Variants in PDE4D observed in about 807,000 individuals in gnomAD.
PDE4D encodes phosphodiesterase 4D.
A neutral mutation model predicts 87.4 loss-of-function variants in PDE4D; 24 were observed. The ratio of observed to expected loss-of-function variants is 0.27; its 90% CI spans 0.20 to 0.39. The LOEUF is 0.39. PDE4D is among the 10% of genes least tolerant of loss of function. The pLI, the probability that PDE4D is intolerant of heterozygous loss-of-function variation, is 1.00. For missense variants in PDE4D, 714 were observed against 1,041.0 expected (o/e 0.69, Z 4.32); for synonymous variants, 384 against 383.2 (o/e 1.00, Z -0.02).
chr5:59,815,679 A>G (rs528658465), intron 1 of PDE4D, among the ~76,000 whole-genome samples: 2 of 152,354 alleles, frequency 1.3e-5, no homozygotes, highest in East Asian at 3.9e-4. Context: ...GGAGAATGCT[A>G]CAGACCTGGC....
intron 1 of PDE4D, among the ~76,000 whole-genome samples, chr5:59,317,556 T>C (rs1225456083): frequency 6.6e-6 from 1 of 152,250 alleles, no homozygotes; most frequent in East Asian, 1.9e-4. Context: ...CCACAACCCC[T>C]GCAGGCATAC....
At chr5:59,909,007 G>A (rs1753151675) in intron 3 of PDE4D, among the ~76,000 whole-genome samples, 1 of 152,090 alleles carries the variant, frequency 6.6e-6, no homozygotes, top group African/African-American at 2.4e-5. Context: ...GCTTTTTAAA[G>A]TAAGTTAAGT....
intron 1 of PDE4D, among the ~76,000 whole-genome samples, chr5:59,668,866 A>G (rs868479912): frequency 0.016 from 1,164 of 74,864 alleles, 90 homozygotes; most frequent in African/African-American, 0.064. Flanking sequence ...AAGAAGAAGA[A>G]GAAGAAGAAG....
chr5:59,362,072 C>T (rs1299914928), intron 1 of PDE4D, among the ~76,000 whole-genome samples: 2 of 152,120 alleles, frequency 1.3e-5, no homozygotes, highest in Non-Finnish European at 2.9e-5. Context: ...CCTGACCTTG[C>T]TGAGTTTCAG....
At chr5:59,294,287 G>C (rs183920903) in intron 1 of PDE4D, among the ~76,000 whole-genome samples, 5 of 152,262 alleles carry the variant, frequency 3.3e-5, no homozygotes, top group Admixed American at 3.3e-4. Context: ...ATCTCTGTGT[G>C]AGCTGTCCAT....
At chr5:60,310,617 A>G (rs1754933682) in intron 1 of PDE4D, among the ~76,000 whole-genome samples, 1 of 152,198 alleles carries the variant, frequency 6.6e-6, no homozygotes, top group African/African-American at 2.4e-5. Flanking sequence ...GGCCAACAGA[A>G]TAGGGTTCTA....
At chr5:60,062,754 T>C (rs1706168059) in intron 2 of PDE4D, among the ~76,000 whole-genome samples, 1 of 152,258 alleles carries the variant, frequency 6.6e-6, no homozygotes, top group South Asian at 2.1e-4. Flanking sequence ...AATGAGTTCA[T>C]GTCCTTTGCA....
At chr5:59,955,007 A>G (rs537388477) in intron 3 of PDE4D, among the ~76,000 whole-genome samples, 2 of 152,348 alleles carry the variant, frequency 1.3e-5, no homozygotes, top group East Asian at 3.9e-4. Context: ...AGTTTAAAAC[A>G]AAGCAAATAT....
Position 60,330,314 on chromosome 5 carries a change from C to G in PDE4D, c.-89-144627G>C, listed in dbSNP as rs893348136. On this transcript the variant is annotated intron_variant, in intron 1 of 16. Transcript: ENST00000502484. ...AATGGTAAACAAGAGAGACACAAAG[C>G]CTGTGCGCAAATGAGCCTACAGTTT... is the stretch of plus-strand genomic sequence containing the variant. 6.6e-5 allele frequency among the ~76,000 whole-genome samples: 10 copies of G among 152,264 alleles called. No homozygotes were observed. In the East Asian group the frequency reaches 1.9e-3, roughly 29 times the overall value.
chr5:60,508,818 C>T (rs1186416796), intron 1 of PDE4D, among the ~76,000 whole-genome samples: 2 of 152,122 alleles, frequency 1.3e-5, no homozygotes, highest in African/African-American at 2.4e-5. Context: ...CTGCCAGCAG[C>T]TCTATAACTC....
intron 1 of PDE4D, among the ~76,000 whole-genome samples, chr5:59,860,518 T>C (rs1230993058): frequency 1.3e-5 from 2 of 152,184 alleles, no homozygotes; most frequent in East Asian, 1.9e-4. Flanking sequence ...GTGACAACAT[T>C]TGTGCTAATT....
chr5:58,978,568 G>A (rs1442338030), intron 11 of PDE4D, among the ~76,000 whole-genome samples: 1 of 151,984 alleles, frequency 6.6e-6, no homozygotes, highest in Non-Finnish European at 1.5e-5. Flanking sequence ...ACTATTCAAT[G>A]GCTATTTTAA....
intron 1 of PDE4D, among the ~76,000 whole-genome samples, chr5:59,414,378 T>C (rs138752332): frequency 1.2e-3 from 189 of 152,324 alleles, no homozygotes; most frequent in African/African-American, 4.4e-3. Context: ...TGCTCCGCAG[T>C]CTTCATCATG....
chr5:59,200,112 CACATACATGCATGTAG>C (rs1746666893), intron 2 of PDE4D, among the ~76,000 whole-genome samples: 1 of 147,268 alleles, frequency 6.8e-6, no homozygotes, highest in Non-Finnish European at 1.5e-5. Context: ...TGTATGCACA[CACATACATGCATGTAG>C]ACATACATGT....
chr5:59,780,164 GA>G (rs1271295908), intron 1 of PDE4D, among the ~76,000 whole-genome samples: 1 of 152,212 alleles, frequency 6.6e-6, no homozygotes, highest in Non-Finnish European at 1.5e-5. Flanking sequence ...AGGAGTTCAA[GA>G]CCAGCCTGGC....
At chr5:59,590,571 C>T (rs1825785848) in intron 1 of PDE4D, among the ~76,000 whole-genome samples, 3 of 151,980 alleles carry the variant, frequency 2.0e-5, no homozygotes, top group African/African-American at 7.2e-5. Context: ...TAATCTCAGC[C>T]CCATTATTTT....
At chr5:59,025,439 A>C (rs887613404) in intron 6 of PDE4D, among the ~76,000 whole-genome samples, 1 of 152,188 alleles carries the variant, frequency 6.6e-6, no homozygotes, top group African/African-American at 2.4e-5. Flanking sequence ...AATTTTGGGT[A>C]ATTCAGTGTG....
At chr5:59,768,993 G>T (rs1763169388) in intron 1 of PDE4D, among the ~76,000 whole-genome samples, 1 of 151,956 alleles carries the variant, frequency 6.6e-6, no homozygotes, top group South Asian at 2.1e-4. Context: ...CTTTGAACTT[G>T]ACCTTCCTCT....
At chr5:59,504,670 T>C (rs1808906435) in intron 1 of PDE4D, among the ~76,000 whole-genome samples, 2 of 152,164 alleles carry the variant, frequency 1.3e-5, no homozygotes, top group Admixed American at 1.3e-4. Context: ...AGAAAGCCCA[T>C]GTGTTCTCTC....
Sources: gnomAD v4.1 joint callset for allele counts (sites outside exome capture counted in the v4.1 genomes callset) on GRCh38, gnomAD v4.1.1 for gene constraint, MANE v1.5 for transcripts, NCBI Gene and HGNC (gene_info 2026-07-23, HGNC 2026-07-21) for gene names.